TRPC4: variants seen among roughly 807,000 people sequenced by gnomAD.
The protein encoded by TRPC4 is transient receptor potential cation channel subfamily C member 4.
TRPC4 carries 49 observed loss-of-function variants against 99.4 expected under a neutral mutation model. The ratio of observed to expected loss-of-function variants is 0.49; its 90% confidence interval spans 0.39 to 0.63. The LOEUF is 0.63. TRPC4 is among the 20% of genes least tolerant of loss of function. The pLI is 0.00. For missense variants in TRPC4, 898 were observed against 1,152.9 expected (o/e 0.78, Z 3.20); for synonymous variants, 454 against 425.9 (o/e 1.07, Z -0.81).
intron 1 of TRPC4, among the ~76,000 whole-genome samples, chr13:37,784,456 GA>G (rs1956921522): frequency 6.6e-6 from 1 of 151,884 alleles, no homozygotes; most frequent in Admixed American, 6.6e-5. Context: ...GAGATTCATA[GA>G]AAAAAAGTAT....
At chr13:37,777,381 A>G (rs1399099148) in intron 2 of TRPC4, among the ~76,000 whole-genome samples, 1 of 151,872 alleles carries the variant, frequency 6.6e-6, no homozygotes, top group African/African-American at 2.4e-5. Context: ...AAGAGAGTGA[A>G]GGGGGAGCTA....
At position 37,692,330 on chromosome 13, in the gene TRPC4, A is replaced by G. The variant is rs768976301; in HGVS notation, c.903T>C (p.Val301=). ...LAIKYRQKEF[V]AQPNCQQLLA... Reference sequence around the variant, plus strand: ...GCAGCTGTTGACAATTGGGCTGGGCAACAAACTAAACAGAAGGGAAAGGAA... The same window carrying G: ...GCAGCTGTTGACAATTGGGCTGGGCGACAAACTAAACAGAAGGGAAAGGAA... The change falls in exon 4 of 11, where the codon GTT becomes GTC. Residue 301 remains valine (V), a synonymous_variant. Coordinates refer to ENST00000379705, the MANE Select transcript of TRPC4 (RefSeq NM_016179.4). 6 of 1,611,482 alleles carry G rather than the reference A, an allele frequency of 3.7e-6. No individual in the cohort carries two copies. Among genetic ancestry groups the G allele is most frequent in the Admixed American group, 3.3e-5 (2 of 59,792 alleles).
intron 2 of TRPC4, among the ~76,000 whole-genome samples, chr13:37,769,088 T>G (rs1276702882): frequency 6.6e-6 from 1 of 151,486 alleles, no homozygotes; most frequent in Non-Finnish European, 1.5e-5. Flanking sequence ...AACTTGTAAT[T>G]TTATTGATAG....
intron 1 of TRPC4, among the ~76,000 whole-genome samples, chr13:37,847,250 G>A (rs184894018): frequency 2.8e-4 from 43 of 152,076 alleles, no homozygotes; most frequent in Admixed American, 9.8e-4. Flanking sequence ...TTCTTCTCAA[G>A]TGCATATGGA....
At chr13:37,799,962 A>G (rs144505584) in intron 1 of TRPC4, among the ~76,000 whole-genome samples, 17 of 152,302 alleles carry the variant, frequency 1.1e-4, no homozygotes, top group African/African-American at 4.1e-4. Flanking sequence ...AAAGTAGATA[A>G]TTATGTCCAT....
At chr13:37,688,226 G>A (rs895366503) in intron 4 of TRPC4, among the ~76,000 whole-genome samples, 25 of 152,266 alleles carry the variant, frequency 1.6e-4, no homozygotes, top group Non-Finnish European at 4.4e-5. Context: ...TGCTGACACC[G>A]TGGCAGAGGG....
intron 1 of TRPC4, among the ~76,000 whole-genome samples, chr13:37,813,663 A>T (rs1265529814): frequency 1.3e-5 from 2 of 151,928 alleles, no homozygotes; most frequent in Admixed American, 1.3e-4. Context: ...CAAGCTACCA[A>T]ACAGACTGAA....
At chr13:37,791,257 A>T (rs1957110230) in intron 1 of TRPC4, among the ~76,000 whole-genome samples, 1 of 151,938 alleles carries the variant, frequency 6.6e-6, no homozygotes, top group Non-Finnish European at 1.5e-5. Context: ...TTAGCCGGGC[A>T]TAGTGGCATG....
At chr13:37,825,512 G>T (rs1259023756) in intron 1 of TRPC4, among the ~76,000 whole-genome samples, 1 of 151,780 alleles carries the variant, frequency 6.6e-6, no homozygotes, top group Non-Finnish European at 1.5e-5. Flanking sequence ...CTTTATTTCT[G>T]CCTTCATTTT....
chr13:37,705,845 C>A (rs1312566954), intron 3 of TRPC4, among the ~76,000 whole-genome samples: 1 of 152,094 alleles, frequency 6.6e-6, no homozygotes, highest in Non-Finnish European at 1.5e-5. Flanking sequence ...GCATACAAAC[C>A]ACTCAAAGTG....
At chr13:37,757,853 T>G (rs1354102283) in intron 2 of TRPC4, among the ~76,000 whole-genome samples, 1 of 152,016 alleles carries the variant, frequency 6.6e-6, no homozygotes, top group Non-Finnish European at 1.5e-5. Context: ...AGGTATTTGG[T>G]TAAAGTAATG....
At chr13:37,787,631 T>A (rs1184291811) in intron 1 of TRPC4, among the ~76,000 whole-genome samples, 2 of 152,052 alleles carry the variant, frequency 1.3e-5, no homozygotes, top group Non-Finnish European at 2.9e-5. Context: ...AGTCAAAAAT[T>A]AACATGAATT....
chr13:37,750,979 G>A (rs183942275), intron 2 of TRPC4, among the ~76,000 whole-genome samples: 48 of 152,132 alleles, frequency 3.2e-4, no homozygotes, highest in Non-Finnish European at 5.4e-4. Flanking sequence ...AGTTTTCTTC[G>A]TTAAAAGAAT....
At chr13:37,787,273 G>A (rs1164758119) in intron 1 of TRPC4, among the ~76,000 whole-genome samples, 1 of 151,992 alleles carries the variant, frequency 6.6e-6, no homozygotes, top group African/African-American at 2.4e-5. Context: ...GTAATCTCAT[G>A]ACACAGTAAG....
intron 1 of TRPC4, among the ~76,000 whole-genome samples, chr13:37,811,993 T>C (rs1957702246): frequency 6.6e-6 from 1 of 151,368 alleles, no homozygotes; most frequent in Admixed American, 6.6e-5. Context: ...CAAAACACCG[T>C]CTCTACTAAA....
intron 2 of TRPC4, among the ~76,000 whole-genome samples, chr13:37,781,922 T>TAA (rs34809306): frequency 7.9e-5 from 12 of 151,740 alleles, no homozygotes; most frequent in East Asian, 3.9e-4. Flanking sequence ...AGCTTGCTTG[T>TAA]AAAAAAAATG....
chr13:37,729,984 AT>A (rs990435830), intron 3 of TRPC4, among the ~76,000 whole-genome samples: 1 of 152,114 alleles, frequency 6.6e-6, no homozygotes, highest in Non-Finnish European at 1.5e-5. Context: ...TAAATTTTAT[AT>A]TTGTATTTCA....
chr13:37,716,271 TAAAATATACGGGAATTACA>T (rs1954663797), intron 3 of TRPC4, among the ~76,000 whole-genome samples: 1 of 152,174 alleles, frequency 6.6e-6, no homozygotes, highest in Non-Finnish European at 1.5e-5. Flanking sequence ...TTCTAAGTAC[TAAAATATACGGGAATTACA>T]AGTAAGGAGA....
At chr13:37,863,137 C>T (rs1353366612) in intron 1 of TRPC4, among the ~76,000 whole-genome samples, 6 of 151,344 alleles carry the variant, frequency 4.0e-5, no homozygotes, top group Non-Finnish European at 8.9e-5. Context: ...CCATGATGTT[C>T]GTGCAATGAT....
Sources: gnomAD v4.1 joint callset for allele counts (sites outside exome capture counted in the v4.1 genomes callset) on GRCh38, gnomAD v4.1.1 for gene constraint, MANE v1.5 for transcripts, NCBI Gene and HGNC (gene_info 2026-07-23, HGNC 2026-07-21) for gene names.